Variants in SEMA5B observed in about 807,000 individuals in gnomAD.
The protein encoded by SEMA5B is semaphorin 5B.
Under a neutral mutation model 135.0 loss-of-function variants are expected in SEMA5B, and 66 were observed. The ratio of observed to expected loss-of-function variants is 0.49; its 90% CI spans 0.40 to 0.60. The LOEUF (loss-of-function observed/expected upper bound fraction) is 0.60. Ranked by LOEUF, SEMA5B falls within the 20% of genes least tolerant of loss-of-function variation. The pLI is 0.00. For synonymous variants in SEMA5B, 690 were observed against 639.5 expected, an observed-to-expected ratio of 1.08 and a Z score of -1.19; for missense variants, 1,501 against 1,566.3, an observed-to-expected ratio of 0.96 and a Z score of 0.70.
chr3:122,927,646 G>A (rs1938712089), intron 8 of SEMA5B, 144 bp downstream of exon 8: 1 of 489,782 alleles, frequency 2.0e-6, no homozygotes, highest in Non-Finnish European at 3.4e-6. Context: ...GGTCTACTCT[G>A]CCCTACTCTG....
At chr3:122,963,594 T>C (rs1232406675) in intron 1 of SEMA5B, among the ~76,000 whole-genome samples, 1 of 151,926 alleles carries the variant, frequency 6.6e-6, no homozygotes, top group Non-Finnish European at 1.5e-5. Flanking sequence ...CCAAATGGCC[T>C]GAAAGAGGTT....
At chr3:122,911,457 G>A in intron 21 of SEMA5B, 34 bp downstream of exon 21, 1 of 1,595,738 alleles carries the variant, frequency 6.3e-7, no homozygotes, top group Non-Finnish European at 8.5e-7. Context: ...GGGCTGGGAG[G>A]ACCGCAGCAT....
chr3:122,912,663 G>A, intron 18 of SEMA5B, among the ~76,000 whole-genome samples, 180 bp downstream of exon 18: 1 of 152,084 alleles, frequency 6.6e-6, no homozygotes, highest in East Asian at 1.9e-4. Flanking sequence ...GTACTCCACC[G>A]GAGTAGCCAT....
intron 21 of SEMA5B, 45 bp from the exon 22 acceptor site, chr3:122,911,090 AGG>A: frequency 1.3e-6 from 2 of 1,493,434 alleles, no homozygotes; most frequent in Non-Finnish European, 1.8e-6. Flanking sequence ...CACTGTGAAG[AGG>A]ACAGACTCCT....
At chr3:122,958,963 A>C (rs996754059) in intron 2 of SEMA5B, among the ~76,000 whole-genome samples, 1 of 152,148 alleles carries the variant, frequency 6.6e-6, no homozygotes, top group Admixed American at 6.5e-5. Context: ...CTCCAGCTGC[A>C]ATGGGGAAGA....
intron 1 of SEMA5B, among the ~76,000 whole-genome samples, chr3:122,977,050 GA>G (rs1213061769): frequency 6.6e-6 from 1 of 151,998 alleles, no homozygotes; most frequent in Non-Finnish European, 1.5e-5. Context: ...ACTCTGTCTT[GA>G]AAAAGAAAAA....
At chr3:122,998,144 C>T (rs1396108241) in intron 1 of SEMA5B, among the ~76,000 whole-genome samples, 1 of 152,126 alleles carries the variant, frequency 6.6e-6, no homozygotes, top group Non-Finnish European at 1.5e-5. Flanking sequence ...CCAGGCATCC[C>T]CACCTCTTAT....
chr3:122,996,869 A>T (rs1208251409), intron 1 of SEMA5B, among the ~76,000 whole-genome samples: 1 of 152,180 alleles, frequency 6.6e-6, no homozygotes, highest in Non-Finnish European at 1.5e-5. Context: ...TCCTTCAGCT[A>T]GAGATGCAGG....
chr3:122,962,293 TGAA>T (rs1393456955), intron 1 of SEMA5B, among the ~76,000 whole-genome samples: 7 of 152,228 alleles, frequency 4.6e-5, no homozygotes, highest in African/African-American at 1.7e-4. Context: ...ACTGAATTTC[TGAA>T]GAAGGAGTAG....
intron 1 of SEMA5B, among the ~76,000 whole-genome samples, chr3:122,991,338 T>C (rs1941871303): frequency 6.6e-6 from 1 of 152,086 alleles, no homozygotes; most frequent in Non-Finnish European, 1.5e-5. Context: ...AAAGGCCACA[T>C]GAGGGCCCAA....
At chr3:122,970,998 G>A (rs1941090627) in intron 1 of SEMA5B, among the ~76,000 whole-genome samples, 1 of 152,208 alleles carries the variant, frequency 6.6e-6, no homozygotes, top group Admixed American at 6.5e-5. Flanking sequence ...GGCTTGGAGA[G>A]GGGAGAGTCT....
At chr3:122,922,643 A>G (rs1201951302) in intron 10 of SEMA5B, among the ~76,000 whole-genome samples, 196 bp from the exon 11 acceptor site, 1 of 152,210 alleles carries the variant, frequency 6.6e-6, no homozygotes, top group Non-Finnish European at 1.5e-5. Flanking sequence ...AACTAAGAAC[A>G]GGAGACTGGG....
At chr3:123,002,850 C>T (rs752895336) in intron 1 of SEMA5B, among the ~76,000 whole-genome samples, 2 of 151,930 alleles carry the variant, frequency 1.3e-5, no homozygotes, top group Non-Finnish European at 2.9e-5. Context: ...TTCAAGTAAA[C>T]ACACAGTCCT....
intron 1 of SEMA5B, among the ~76,000 whole-genome samples, chr3:123,026,860 T>C (rs1365223500): frequency 6.6e-6 from 1 of 152,210 alleles, no homozygotes; most frequent in Non-Finnish European, 1.5e-5. Flanking sequence ...CCACTGCCCC[T>C]GGAGCCTGGT....
In SEMA5B at chr3:122,927,780, G is replaced by A. The variant is rs951612372; in HGVS notation, c.850+10C>T. 1.4e-6 allele frequency: 2 copies of A among 1,406,132 alleles called. No individual in the cohort carries two copies. The highest frequency in any genetic ancestry group is 1.9e-6 in the Non-Finnish European group (2 of 1,070,370). 87.1% of individuals were successfully genotyped at this position (1,406,132 alleles called of 1,614,324 possible). A position where few individuals can be genotyped will look rare whatever the true frequency, so the allele number is the denominator to read the frequency against. On this transcript the variant is annotated intron_variant, in intron 8 of 22. Coordinates refer to ENST00000357599, the MANE Select transcript of SEMA5B (RefSeq NM_001031702.4). Reference sequence around the variant, plus strand: ...GGGAGTCCCCACCCCTGGCACTGGGGCCTCCTTACCATTAAGCCACTTGGA... The same window carrying A: ...GGGAGTCCCCACCCCTGGCACTGGGACCTCCTTACCATTAAGCCACTTGGA...
chr3:122,912,859 G>T lies in SEMA5B; in HGVS notation c.2709C>A (p.Asn903Lys), dbSNP rs765664100. The change falls in exon 18 of 23, where the codon AAC (asparagine) becomes AAA (lysine). Residue 903 changes from asparagine to lysine, a missense_variant. Physicochemically the swap from Asn to Lys is moderately conservative, Grantham distance 94. This residue lies in a region of SEMA5B where 927 missense variants were observed against 881.6 expected (regional missense o/e 1.05). Coordinates refer to ENST00000357599, the MANE Select transcript of SEMA5B (RefSeq NM_001031702.4). The stretch of plus-strand genomic sequence containing the variant: ...CAGGGTTACCTGGGCAAGCCTGGGG[G>T]TTGCAGTCCTGGTACTCGGCAGCAT... ...VGDAAEYQDC[N>K]PQACPVRGAW... is the part of the protein sequence containing the mutation. The T allele has an allele frequency of 1.0e-5, 16 of 1,589,748 alleles. No individual in the cohort carries two copies. The highest frequency in any genetic ancestry group is 1.3e-5 in the Non-Finnish European group (15 of 1,166,436).
At chr3:122,981,291 G>T (rs908259809) in intron 1 of SEMA5B, among the ~76,000 whole-genome samples, 1 of 151,964 alleles carries the variant, frequency 6.6e-6, no homozygotes. Context: ...CTTGTGTTGG[G>T]CCCCTGTGCC....
intron 1 of SEMA5B, among the ~76,000 whole-genome samples, chr3:122,966,701 C>A (rs763955230): frequency 2.7e-5 from 4 of 150,306 alleles, no homozygotes; most frequent in Non-Finnish European, 5.9e-5. Context: ...ACTACAGGCC[C>A]CCGCCACCGC....
intron 1 of SEMA5B, among the ~76,000 whole-genome samples, chr3:122,985,268 G>T (rs541651142): frequency 2.6e-5 from 4 of 152,316 alleles, no homozygotes; most frequent in Admixed American, 6.5e-5. Flanking sequence ...CAAGGCAGGA[G>T]GATTGCTTCT....
Sources: allele counts gnomAD v4.1 joint callset (sites outside exome capture counted in the v4.1 genomes callset), GRCh38; gene constraint gnomAD v4.1.1; regional missense constraint gnomAD v4.1.1; transcripts MANE v1.5; gene names NCBI Gene and HGNC (gene_info 2026-07-23, HGNC 2026-07-21).